Variants in MUC5B observed in about 807,000 individuals in gnomAD.
MUC5B encodes mucin 5B, oligomeric mucus/gel-forming, also known as mucin-5B.
MUC5B carries 116 observed loss-of-function variants against 376.9 expected under a neutral mutation model. That is an observed-to-expected ratio of 0.31 (90% CI 0.26 to 0.36). MUC5B has a LOEUF of 0.36. MUC5B is among the 10% of genes least tolerant of loss of function. The pLI is 1.00. For missense variants in MUC5B, 7,165 were observed against 7,769.9 expected (o/e 0.92, Z 2.93); for synonymous variants, 3,517 against 3,390.9 (o/e 1.04, Z -1.29).
rs371581976 is a variant in MUC5B, at chr11:1,254,309, C to T, written c.15435C>T (p.Ile5145=). The change falls in exon 34 of 49, where the codon ATC becomes ATT. Residue 5145 remains isoleucine, a synonymous_variant. Coordinates refer to ENST00000529681, the MANE Select transcript of MUC5B (RefSeq NM_002458.3). ...GCATCCACTACAAGTCCATGGATAT[C>T]GTCCTCACTGTCACCATGGTGCATG... is the stretch of plus-strand genomic sequence containing the variant. ...ALSIHYKSMD[I]VLTVTMVHGK... is the part of the protein sequence containing the mutation. 120 of 1,608,014 alleles carry T rather than the reference C, an allele frequency of 7.5e-5. No individual in the cohort carries two copies. The highest frequency in any genetic ancestry group is 3.0e-4 in the Admixed American group (18 of 60,018).
rs375113885 is a variant in MUC5B, at chr11:1,244,837, C to T, written c.7957C>T (p.Pro2653Ser). Residue 2653 changes from proline to serine, a missense_variant, in exon 31 of 49, where the codon CCG becomes TCG. This residue lies in a region of MUC5B where 141 missense variants were observed against 111.2 expected (regional missense o/e 1.27). Coordinates refer to ENST00000529681, the MANE Select transcript of MUC5B (RefSeq NM_002458.3). ...TTCCACGGTGACCCCCTCCTCCATCCCGGGGACCACCCACACCCCCACAGT... is the reference window on the plus strand; with the variant it reads ...TTCCACGGTGACCCCCTCCTCCATCTCGGGGACCACCCACACCCCCACAGT... Reference protein sequence around the residue: ...RGSTVTPSSIPGTTHTPTVLT... With the variant: ...RGSTVTPSSISGTTHTPTVLT... 1 of 1,613,712 alleles carries T rather than the reference C, an allele frequency of 6.2e-7. No individual in the cohort carries two copies. The highest frequency in any genetic ancestry group is 1.3e-5 in the African/African-American group (1 of 74,964).
rs757799417 is a variant in MUC5B at position 1,242,883 on chromosome 11, C to G, written c.6003C>G (p.Pro2001=). The change falls in exon 31 of 49, where the codon CCC becomes CCG. Residue 2001 remains proline, a synonymous_variant. Transcript: ENST00000529681. ...TWTRLSQTTT[P]TATMSTATPS... ...CCCGCCTATCACAGACCACCACACC[C>G]ACGGCCACCATGTCCACAGCCACAC... is the stretch of plus-strand genomic sequence containing the variant. The G allele has an allele frequency of 6.2e-7, 1 of 1,613,728 alleles. No individual in the cohort carries two copies. Among genetic ancestry groups the G allele is most frequent in the Non-Finnish European group, 8.5e-7 (1 of 1,179,798 alleles).
At position 1,234,520 on chromosome 11, in the gene MUC5B, G is replaced by A. The variant is rs774168435; in HGVS notation, c.2479-9G>A. The A allele has an allele frequency of 1.2e-4, 196 of 1,573,846 alleles. No homozygotes were observed. Among genetic ancestry groups the A allele is most frequent in the Non-Finnish European group, 1.6e-4 (180 of 1,160,640 alleles). ...CCAGCCCTGACCGGTACCTGCCTGG[G>A]CCCCACAGTTCAGCACACACTGCGT... On this transcript the variant is annotated splice_polypyrimidine_tract_variant and intron_variant, in intron 20 of 48. Transcript: ENST00000529681. The surrounding 1 kb of genome is among the most constrained non-coding windows in gnomAD (Gnocchi z 6.3).
In MUC5B at chr11:1,225,855, G is replaced by A. The variant is rs756936881; in HGVS notation, c.127+118G>A. On this transcript the variant is annotated intron_variant, in intron 2 of 48. Coordinates refer to ENST00000529681, the MANE Select transcript of MUC5B (RefSeq NM_002458.3). The stretch of plus-strand genomic sequence containing the variant: ...ATGCGTCTGACAGAGACCCTCCCTG[G>A]GTCCCCTGCCCAGGACAATACCCAG... 355 of 994,492 alleles carry A rather than the reference G, an allele frequency of 3.6e-4. 3 individuals carry two copies. Among genetic ancestry groups the A allele is most frequent in the Admixed American group, 4.4e-4 (20 of 45,098 alleles). 61.6% of individuals were successfully genotyped at this position (994,492 alleles called of 1,614,324 possible).
intron 45 of MUC5B, 37 bp from the exon 46 acceptor site, chr11:1,259,926 T>C (rs1862953344): frequency 2.5e-6 from 4 of 1,612,664 alleles, no homozygotes; most frequent in Middle Eastern, 1.7e-4. Context: ...CAAGAGGTAA[T>C]CCCTACTCAG....
chr11:1,256,829 G>T, intron 39 of MUC5B, 58 bp downstream of exon 39: 2 of 1,395,368 alleles, frequency 1.4e-6, no homozygotes, highest in South Asian at 1.4e-5. Flanking sequence ...GCACACACAG[G>T]GTGGGAGGAG....
In MUC5B at chr11:1,234,330, G is replaced by C. The variant is rs781193893; in HGVS notation, c.2478+25G>C. 1.3e-6 allele frequency: 2 copies of C among 1,534,998 alleles called. No homozygotes were observed. Among genetic ancestry groups the C allele is most frequent in the Non-Finnish European group, 8.9e-7 (1 of 1,121,118 alleles). ...TGTGAGTTCCATGCTTCAGGGAGGG[G>C]TGGGCAGGGAAGGGGTCCCAGCTTT... is the stretch of plus-strand genomic sequence containing the variant. On this transcript the variant is annotated intron_variant, in intron 20 of 48. Coordinates refer to ENST00000529681, the MANE Select transcript of MUC5B (RefSeq NM_002458.3). The surrounding 1 kb of genome is among the most constrained non-coding windows in gnomAD (Gnocchi z 6.3).
At position 1,261,355 on chromosome 11, in the gene MUC5B, G is replaced by A. The variant is rs763479818; in HGVS notation, c.17070-34G>A. ...CTGGGCAGAGAAACGGCGGGGCCAA[G>A]GTGGCTGATGTGAGGGCCACCCTGC... On this transcript the variant is annotated intron_variant, in intron 48 of 48. Coordinates refer to ENST00000529681, the MANE Select transcript of MUC5B (RefSeq NM_002458.3). 2.0e-6 allele frequency: 3 copies of A among 1,524,490 alleles called. No individual in the cohort carries two copies. The South Asian group carries it at 3.6e-5, about 18-fold the overall frequency. 94.4% of individuals were successfully genotyped at this position (1,524,490 alleles called of 1,614,324 possible). A position where few individuals can be genotyped will look rare whatever the true frequency, so the allele number is the denominator to read the frequency against.
At chr11:1,227,260 G>T (rs781476831) in intron 5 of MUC5B, 48 bp from the exon 6 acceptor site, 3 of 1,578,508 alleles carry the variant, frequency 1.9e-6, no homozygotes, top group South Asian at 1.1e-5. Context: ...TGTTGCCAGT[G>T]TGGGGATCAG....
chr11:1,230,678 C>A, intron 12 of MUC5B, 78 bp downstream of exon 12: 1 of 1,314,044 alleles, frequency 7.6e-7, no homozygotes, highest in Non-Finnish European at 1.0e-6. Context: ...ACGGTCAGGT[C>A]CCCCTCCAGC....
At position 1,242,980 on chromosome 11, in the gene MUC5B, G is replaced by C. The variant is rs375561628; in HGVS notation, c.6100G>C (p.Gly2034Arg). Reference protein sequence around the residue: ...TATATTTGATGSVATPSSTPG... With the variant: ...TATATTTGATRSVATPSSTPG... ...CACGGCCACCACAACTGGGGCCACCGGCTCTGTGGCCACCCCCTCCTCCAC... is the reference window on the plus strand; with the variant it reads ...CACGGCCACCACAACTGGGGCCACCCGCTCTGTGGCCACCCCCTCCTCCAC... Residue 2034 changes from glycine (G) to arginine (R), a missense_variant, in exon 31 of 49, where the codon GGC (glycine) becomes CGC (arginine). By Grantham distance (125) the Gly-to-Arg change is moderately radical. Coordinates refer to ENST00000529681, the MANE Select transcript of MUC5B (RefSeq NM_002458.3). 35 of 1,612,470 alleles carry C rather than the reference G, an allele frequency of 2.2e-5. No individual in the cohort carries two copies. Among genetic ancestry groups the C allele is most frequent in the Non-Finnish European group, 2.9e-5 (34 of 1,179,296 alleles).
intron 12 of MUC5B, 136 bp from the exon 13 acceptor site, chr11:1,230,800 C>A: frequency 9.1e-7 from 1 of 1,104,958 alleles, no homozygotes; most frequent in Non-Finnish European, 1.3e-6. Context: ...AATTGCAGAG[C>A]CCACCGCAGG....
rs1338529223 is a variant in MUC5B at position 1,234,242 on chromosome 11, C to T, written c.2415C>T (p.Asn805=). The T allele has an allele frequency of 6.2e-7, 1 of 1,607,210 alleles. No homozygotes were observed. Among genetic ancestry groups the T allele is most frequent in the South Asian group, 1.1e-5 (1 of 89,626 alleles). The change falls in exon 20 of 49, where the codon AAC becomes AAT. Residue 805 remains asparagine, a synonymous_variant. Coordinates refer to ENST00000529681, the MANE Select transcript of MUC5B (RefSeq NM_002458.3). This position sits in a 1 kb window ranked among gnomAD's most constrained non-coding sequence, Gnocchi z 6.3. The part of the protein sequence containing the change: ...AAPMVYLDCS[N]SSAGTPGAEC... ...CCATGGTGTACCTGGACTGCAGCAA[C>T]AGCTCGGCGGGCACCCCTGGGGCCG... is the stretch of plus-strand genomic sequence containing the variant.
chr11:1,224,699 G>C (rs946265073), intron 1 of MUC5B, among the ~76,000 whole-genome samples: 3 of 152,118 alleles, frequency 2.0e-5, no homozygotes, highest in Non-Finnish European at 4.4e-5. Flanking sequence ...CTCAGGGATC[G>C]GCTGGCTTTC....
At position 1,234,807 on chromosome 11, in the gene MUC5B, G is replaced by A. The variant is rs1590172499; in HGVS notation, c.2630+127G>A. 4 of 1,133,628 alleles carry A rather than the reference G, an allele frequency of 3.5e-6. No homozygotes were observed. Among genetic ancestry groups the A allele is most frequent in the Middle Eastern group, 3.0e-4 (1 of 3,306 alleles). 70.2% of individuals were successfully genotyped at this position (1,133,628 alleles called of 1,614,324 possible). A position where few individuals can be genotyped will look rare whatever the true frequency, so the allele number is the denominator to read the frequency against. On this transcript the variant is annotated intron_variant, in intron 21 of 48. Transcript: ENST00000529681. This position sits in a 1 kb window ranked among gnomAD's most constrained non-coding sequence, Gnocchi z 6.3. The stretch of plus-strand genomic sequence containing the variant: ...CAGGGGGCCAGCTGGCCAGGGTGAG[G>A]TGGGGCCGTGGCAGGAGAGAGAGTT...
rs901083794 is a variant in MUC5B, at chr11:1,246,831, A to C, written c.9951A>C (p.Thr3317=). The part of the protein sequence containing the change: ...KVPTTTTTGF[T]ATPSSSPGTA... ...CGACTACCACAACCACGGGCTTCAC[A>C]GCCACCCCCTCCTCCAGCCCAGGGA... is the stretch of plus-strand genomic sequence containing the variant. Residue 3317 remains threonine (T), a synonymous_variant, in exon 31 of 49, where the codon ACA becomes ACC. Transcript: ENST00000529681. The C allele has an allele frequency of 1.9e-6, 3 of 1,606,766 alleles. No homozygotes were observed. The highest frequency in any genetic ancestry group is 2.7e-5 in the African/African-American group (2 of 74,328).
At chr11:1,252,764 C>A in intron 32 of MUC5B, 45 bp from the exon 33 acceptor site, 1 of 1,553,062 alleles carries the variant, frequency 6.4e-7, no homozygotes, top group Non-Finnish European at 8.7e-7. Flanking sequence ...GTGGATGGGT[C>A]CCGTGAGCTG....
rs61869661 is a variant in MUC5B at position 1,249,153 on chromosome 11, G to A, written c.12273G>A (p.Thr4091=). The A allele has an allele frequency of 0.019, 29,802 of 1,610,104 alleles. 515 individuals carry two copies. The highest frequency in any genetic ancestry group is 0.023 in the Non-Finnish European group (26,717 of 1,179,124). ...GGACGACCACCCCGGGCCACACCAC[G>A]GCCACCTCCAGGACCACGGCCACGG... ...SPGTTTPGHT[T]ATSRTTATAT... Residue 4091 remains threonine, a synonymous_variant, in exon 31 of 49, where the codon ACG becomes ACA. Coordinates refer to ENST00000529681, the MANE Select transcript of MUC5B (RefSeq NM_002458.3).
At chr11:1,223,334 C>A (rs1275139202) in intron 1 of MUC5B, 141 bp downstream of exon 1, 1 of 691,280 alleles carries the variant, frequency 1.4e-6, no homozygotes, top group African/African-American at 1.8e-5. Flanking sequence ...TGGGACCCTA[C>A]CCGTCCCCAA....
Sources: gnomAD v4.1 joint callset for allele counts (sites outside exome capture counted in the v4.1 genomes callset) on GRCh38, gnomAD v4.1.1 for gene constraint, gnomAD v4.1.1 regional missense constraint, Gnocchi (gnomAD v3.1) non-coding constraint, MANE v1.5 for transcripts, NCBI Gene and HGNC (gene_info 2026-07-23, HGNC 2026-07-21) for gene names.